Variants in NHSL1 observed in about 807,000 individuals in gnomAD.
The protein encoded by NHSL1 is NHS like 1.
NHSL1 carries 48 observed loss-of-function variants against 95.0 expected under a neutral mutation model. The ratio of observed to expected loss-of-function variants is 0.51; its 90% CI spans 0.40 to 0.64. The LOEUF is 0.64. NHSL1 is among the 30% of genes least tolerant of loss of function. The probability of loss-of-function intolerance (pLI) is 0.00; values close to 1 mark genes in which losing one functional copy is unlikely to be tolerated. For synonymous variants in NHSL1, 783 were observed against 833.9 expected (o/e 0.94, Z 1.05); for missense variants, 1,971 against 2,077.7 (o/e 0.95, Z 1.00).
At chr6:138,474,443 G>A (rs1778944958) in intron 2 of NHSL1, among the ~76,000 whole-genome samples, 1 of 152,052 alleles carries the variant, frequency 6.6e-6, no homozygotes, top group African/African-American at 2.4e-5. Flanking sequence ...TCAGTGGAGG[G>A]CTAAAAATAT....
rs147334370 is a variant in NHSL1, at chr6:138,645,621, C to A, written c.96+46855G>T. On this transcript the variant is annotated intron_variant, in intron 1 of 3. Coordinates refer to the NHSL1 transcript ENST00000491526. ...CTCCTAGGTTCAAGCAATTCTCCTG[C>A]CTCAGCCTTCCGAGTAGCTGGGACT... Among the ~76,000 whole-genome samples, 105 of 151,762 alleles carry A rather than the reference C, an allele frequency of 6.9e-4. 1 individual carries two copies. In the East Asian group the frequency reaches 0.018, roughly 26 times the overall value.
chr6:138,670,661 G>A (rs184673013), intron 1 of NHSL1, among the ~76,000 whole-genome samples: 3,319 of 104,538 alleles, frequency 0.032, 143 homozygotes, highest in African/African-American at 0.12. Context: ...GCGAGACTCC[G>A]TCTCAAAAAA....
At chr6:138,610,689 T>C (rs1205174634) in intron 1 of NHSL1, among the ~76,000 whole-genome samples, 3 of 151,980 alleles carry the variant, frequency 2.0e-5, no homozygotes, top group Non-Finnish European at 2.9e-5. Context: ...TAGGTAACTA[T>C]AGCTAGACCT....
intron 3 of NHSL1, among the ~76,000 whole-genome samples, chr6:138,448,913 G>A (rs1367742866): frequency 2.0e-5 from 3 of 152,086 alleles, no homozygotes; most frequent in South Asian, 2.1e-4. Context: ...TTAGCTGGGC[G>A]TGCTGGCGCA....
chr6:138,669,485 T>C (rs186580467), intron 1 of NHSL1, among the ~76,000 whole-genome samples: 2 of 152,276 alleles, frequency 1.3e-5, no homozygotes, highest in East Asian at 3.9e-4. Flanking sequence ...GTGAATTGAT[T>C]TTCTTGGGGA....
chr6:138,465,833 C>T (rs1381329534), intron 3 of NHSL1, among the ~76,000 whole-genome samples: 2 of 150,556 alleles, frequency 1.3e-5, no homozygotes, highest in African/African-American at 4.9e-5. Flanking sequence ...AAGCAATTCT[C>T]CTGCCTCAGC....
intron 1 of NHSL1, among the ~76,000 whole-genome samples, chr6:138,609,958 T>G (rs2114591903): frequency 6.6e-6 from 1 of 152,256 alleles, no homozygotes; most frequent in South Asian, 2.1e-4. Flanking sequence ...AATGTCCATT[T>G]TAAGGCACAG....
intron 1 of NHSL1, among the ~76,000 whole-genome samples, chr6:138,586,826 A>T (rs895592805): frequency 6.6e-6 from 1 of 152,298 alleles, no homozygotes; most frequent in East Asian, 1.9e-4. Context: ...CTGCTCAAAA[A>T]CAAACCACAC....
intron 4 of NHSL1, chr6:138,446,689 G>A: frequency 4.0e-6 from 1 of 251,946 alleles, no homozygotes; most frequent in East Asian, 8.3e-5. Flanking sequence ...ACATTTACAA[G>A]ATGTTTCCAT....
At chr6:138,481,984 A>G (rs191120638) in intron 2 of NHSL1, among the ~76,000 whole-genome samples, 113 of 152,350 alleles carry the variant, frequency 7.4e-4, no homozygotes, top group Admixed American at 3.7e-3. Context: ...TAAATATTTT[A>G]TCTCTTAATG....
intron 1 of NHSL1, among the ~76,000 whole-genome samples, chr6:138,622,608 G>A (rs145275884): frequency 6.6e-6 from 1 of 152,256 alleles, no homozygotes; most frequent in East Asian, 1.9e-4. Context: ...ATAAAAATCT[G>A]CCATAAGCCA....
intron 1 of NHSL1, among the ~76,000 whole-genome samples, chr6:138,563,830 T>C (rs1300381817): frequency 6.6e-6 from 1 of 152,224 alleles, no homozygotes; most frequent in African/African-American, 2.4e-5. Flanking sequence ...TTTCAAGCAG[T>C]GAAGTTACAC....
At chr6:138,463,623 T>C (rs61611676) in intron 3 of NHSL1, among the ~76,000 whole-genome samples, 19,035 of 151,878 alleles carry the variant, frequency 0.13, 1,236 homozygotes, top group Middle Eastern at 0.16. Flanking sequence ...TTGCTGCACC[T>C]ATCAACCCGT....
intron 1 of NHSL1, among the ~76,000 whole-genome samples, chr6:138,624,277 G>C (rs2114636949): frequency 6.6e-6 from 1 of 152,268 alleles, no homozygotes; most frequent in East Asian, 1.9e-4. Context: ...GGTGGTGCCT[G>C]AGCCTCCGCA....
At chr6:138,665,457 G>C (rs1785282140) in intron 1 of NHSL1, among the ~76,000 whole-genome samples, 1 of 152,242 alleles carries the variant, frequency 6.6e-6, no homozygotes, top group African/African-American at 2.4e-5. Context: ...CTTCATAGAG[G>C]CCACCTACTC....
intron 1 of NHSL1, among the ~76,000 whole-genome samples, chr6:138,618,277 T>A (rs894443247): frequency 6.6e-6 from 1 of 152,142 alleles, no homozygotes; most frequent in African/African-American, 2.4e-5. Flanking sequence ...AGATTCTGAT[T>A]AAGTAGGACA....
At chr6:138,607,852 A>AAGAT in intron 1 of NHSL1, among the ~76,000 whole-genome samples, 1 of 152,238 alleles carries the variant, frequency 6.6e-6, no homozygotes, top group Non-Finnish European at 1.5e-5. Context: ...TAAGAAACAG[A>AAGAT]ATCAAAAGTT....
chr6:138,587,808 G>T (rs1184388893), intron 1 of NHSL1, among the ~76,000 whole-genome samples: 1 of 152,230 alleles, frequency 6.6e-6, no homozygotes, highest in Non-Finnish European at 1.5e-5. Flanking sequence ...AGTCTAAAAA[G>T]ACACAACCTG....
chr6:138,689,321 T>C (rs1174721706), intron 1 of NHSL1, among the ~76,000 whole-genome samples: 1 of 152,216 alleles, frequency 6.6e-6, no homozygotes, highest in Admixed American at 6.5e-5. Flanking sequence ...GAACAGCCCC[T>C]CAACCTGGGG....
Sources: allele counts gnomAD v4.1 joint callset (sites outside exome capture counted in the v4.1 genomes callset), GRCh38; gene constraint gnomAD v4.1.1; transcripts MANE v1.5; gene names NCBI Gene and HGNC (gene_info 2026-07-23, HGNC 2026-07-21).